SLC24A3: variants seen among roughly 807,000 people sequenced by gnomAD.
SLC24A3 encodes sodium/potassium/calcium exchanger 3.
A neutral mutation model predicts 75.8 loss-of-function variants in SLC24A3; 28 were observed. The observed-to-expected ratio is 0.37, with a 90% confidence interval of 0.27 to 0.51. SLC24A3 has a LOEUF of 0.51. Ranked by LOEUF, SLC24A3 falls within the 20% of genes least tolerant of loss-of-function variation. The pLI is 0.94. For missense variants in SLC24A3, 663 were observed against 847.8 expected, an observed-to-expected ratio of 0.78 and a Z score of 2.71; for synonymous variants, 372 against 334.1, an observed-to-expected ratio of 1.11 and a Z score of -1.24.
intron 2 of SLC24A3, among the ~76,000 whole-genome samples, chr20:19,304,242 C>T (rs932484619): frequency 6.6e-6 from 1 of 152,096 alleles, no homozygotes; most frequent in Non-Finnish European, 1.5e-5. Context: ...CAATAAAAAC[C>T]TTATTTTCCC....
intron 6 of SLC24A3, among the ~76,000 whole-genome samples, chr20:19,595,214 G>A (rs546742944): frequency 6.6e-5 from 10 of 152,244 alleles, no homozygotes; most frequent in African/African-American, 2.2e-4. Context: ...GACACATCAC[G>A]CATTTTTTCT....
Position 19,663,450 on chromosome 20 carries a change from TCCA to T in SLC24A3, c.688-2412_688-2410del, listed in dbSNP as rs1568689628. ...CTCCTCCTCCGCCTTCTCATCCTCC[TCCA>T]CTTCCTCCTCCTCCTCCTCCTCCGC... On this transcript the variant is annotated intron_variant, in intron 7 of 16. Coordinates refer to ENST00000328041, the MANE Select transcript of SLC24A3 (RefSeq NM_020689.4). Among the ~76,000 whole-genome samples, 7 of 126,796 alleles carry T rather than the reference TCCA, an allele frequency of 5.5e-5. 1 individual carries two copies. The highest frequency in any genetic ancestry group is 9.8e-5 in the Non-Finnish European group (6 of 60,970). 83.2% of individuals were successfully genotyped at this position (126,796 alleles called of 152,430 possible).
At chr20:19,482,206 C>A (rs1988067006) in intron 2 of SLC24A3, among the ~76,000 whole-genome samples, 1 of 152,226 alleles carries the variant, frequency 6.6e-6, no homozygotes, top group South Asian at 2.1e-4. Flanking sequence ...CTGATCCTCC[C>A]AGCCCACCTG....
intron 1 of SLC24A3, among the ~76,000 whole-genome samples, chr20:19,216,528 G>C (rs1344160475): frequency 6.6e-6 from 1 of 152,004 alleles, no homozygotes; most frequent in Non-Finnish European, 1.5e-5. Flanking sequence ...AGGATTGTTT[G>C]AGCCCAGAAG....
intron 9 of SLC24A3, among the ~76,000 whole-genome samples, chr20:19,680,777 C>T (rs1411357280): frequency 6.6e-6 from 1 of 152,184 alleles, no homozygotes; most frequent in Non-Finnish European, 1.5e-5. Flanking sequence ...GCTGTACCCA[C>T]TGAAGAATCA....
chr20:19,467,270 G>A (rs1987782058), intron 2 of SLC24A3, among the ~76,000 whole-genome samples: 1 of 152,200 alleles, frequency 6.6e-6, no homozygotes, highest in South Asian at 2.1e-4. Context: ...GAATGAAAGA[G>A]AATGTGCTGG....
chr20:19,234,742 T>C (rs1308686363), intron 1 of SLC24A3, among the ~76,000 whole-genome samples: 1 of 152,130 alleles, frequency 6.6e-6, no homozygotes, highest in Non-Finnish European at 1.5e-5. Context: ...GAACAGAAGG[T>C]ATTTCTAAAG....
At chr20:19,654,641 CTTTTT>C in intron 7 of SLC24A3, among the ~76,000 whole-genome samples, 1 of 89,966 alleles carries the variant, frequency 1.1e-5, no homozygotes, top group Non-Finnish European at 2.1e-5. Flanking sequence ...AAATAGAATC[CTTTTT>C]TTTTTTTTTT....
intron 8 of SLC24A3, among the ~76,000 whole-genome samples, chr20:19,671,665 T>C (rs1397348844): frequency 6.6e-6 from 1 of 151,982 alleles, no homozygotes; most frequent in Non-Finnish European, 1.5e-5. Flanking sequence ...GTTTTTTTGT[T>C]TTTTTGTTTT....
chr20:19,341,082 G>A (rs1985262127), intron 2 of SLC24A3, among the ~76,000 whole-genome samples: 1 of 152,232 alleles, frequency 6.6e-6, no homozygotes, highest in Non-Finnish European at 1.5e-5. Flanking sequence ...GGCCCAGAGA[G>A]TTCTGAAAAT....
At chr20:19,285,564 T>G (rs1983794499) in intron 2 of SLC24A3, among the ~76,000 whole-genome samples, 1 of 151,454 alleles carries the variant, frequency 6.6e-6, no homozygotes, top group Admixed American at 6.6e-5. Flanking sequence ...TTTTTTTTTT[T>G]TTTCTACCTT....
chr20:19,226,525 A>G (rs1981875445), intron 1 of SLC24A3, among the ~76,000 whole-genome samples: 1 of 152,170 alleles, frequency 6.6e-6, no homozygotes. Context: ...GCATCCCTCC[A>G]TGGAATTAAT....
At chr20:19,713,780 C>T (rs2033014602) in intron 15 of SLC24A3, among the ~76,000 whole-genome samples, 1 of 152,168 alleles carries the variant, frequency 6.6e-6, no homozygotes, top group African/African-American at 2.4e-5. Context: ...TCAGTTCAAC[C>T]TCATAAGCAC....
intron 6 of SLC24A3, among the ~76,000 whole-genome samples, chr20:19,593,178 T>G (rs559317489): frequency 1.3e-5 from 2 of 152,316 alleles, no homozygotes; most frequent in East Asian, 1.9e-4. Flanking sequence ...AGTCCATTTT[T>G]GGGGCACAAA....
chr20:19,649,222 G>C (rs909711269), intron 6 of SLC24A3, among the ~76,000 whole-genome samples: 5 of 152,220 alleles, frequency 3.3e-5, no homozygotes, highest in African/African-American at 1.2e-4. Flanking sequence ...AATGTGTTCA[G>C]GGCTGAGTCA....
chr20:19,448,550 C>T (rs916766503), intron 2 of SLC24A3, among the ~76,000 whole-genome samples: 1 of 152,172 alleles, frequency 6.6e-6, no homozygotes, highest in Admixed American at 6.5e-5. Context: ...GTCCTTTTCT[C>T]CCCAGAAGTA....
intron 2 of SLC24A3, among the ~76,000 whole-genome samples, chr20:19,475,925 A>G (rs6046127): frequency 0.66 from 99,864 of 152,096 alleles, 33,929 homozygotes; most frequent in African/African-American, 0.84. Flanking sequence ...AGTAGTGTGA[A>G]GGAGATAGCC....
chr20:19,518,923 C>A (rs1205657368), intron 3 of SLC24A3, among the ~76,000 whole-genome samples: 2 of 152,154 alleles, frequency 1.3e-5, no homozygotes, highest in Non-Finnish European at 2.9e-5. Flanking sequence ...GACAGAACGA[C>A]CCCAGGAGGC....
At position 19,234,950 on chromosome 20, in the gene SLC24A3, G is replaced by A. The variant is rs554011819; in HGVS notation, c.142+21966G>A. On this transcript the variant is annotated intron_variant, in intron 1 of 16. Coordinates refer to ENST00000328041, the MANE Select transcript of SLC24A3 (RefSeq NM_020689.4). Reference sequence around the variant, plus strand: ...CTTAGCTGTCACTGGCCTGGAATACGGTGTGACTGTGTAGAAGCTGTTGGC... The same window carrying A: ...CTTAGCTGTCACTGGCCTGGAATACAGTGTGACTGTGTAGAAGCTGTTGGC... 7.2e-5 allele frequency among the ~76,000 whole-genome samples: 11 copies of A among 152,208 alleles called. No individual in the cohort carries two copies. The East Asian group carries it at 7.7e-4, about 11-fold the overall frequency.
Sources: allele counts gnomAD v4.1 joint callset (sites outside exome capture counted in the v4.1 genomes callset), GRCh38; gene constraint gnomAD v4.1.1; transcripts MANE v1.5; gene names NCBI Gene and HGNC (gene_info 2026-07-23, HGNC 2026-07-21).